The following COL19A1 variants were observed in gnomAD, a reference collection of about 807,000 sequenced individuals.
COL19A1 encodes the protein collagen type XIX alpha 1 chain.
Under a neutral mutation model 190.2 loss-of-function variants are expected in COL19A1, and 159 were observed. The ratio of observed to expected loss-of-function variants is 0.84; its 90% CI spans 0.73 to 0.95. The LOEUF (loss-of-function observed/expected upper bound fraction) is 0.95, where lower values mean the gene tolerates loss of function less well. Among genes scored for constraint, COL19A1 ranks in the 40% least tolerant of loss-of-function variants. COL19A1 has a pLI of 0.00. For synonymous variants in COL19A1, 509 were observed against 458.9 expected, an observed-to-expected ratio of 1.11 and a Z score of -1.39; for missense variants, 1,418 against 1,431.9, an observed-to-expected ratio of 0.99 and a Z score of 0.16.
At chr6:69,980,479 T>G (rs1268317003) in intron 11 of COL19A1, among the ~76,000 whole-genome samples, 1 of 152,090 alleles carries the variant, frequency 6.6e-6, no homozygotes, top group Non-Finnish European at 1.5e-5. Flanking sequence ...TAATCCAGGA[T>G]TAAGTGTATA....
chr6:70,179,707 T>C (rs777154961), intron 42 of COL19A1, among the ~76,000 whole-genome samples: 16 of 152,048 alleles, frequency 1.1e-4, no homozygotes, highest in Non-Finnish European at 2.2e-4. Flanking sequence ...ACAAGAGGGA[T>C]GTCCAATAAT....
At chr6:70,133,128 T>C (rs1202005903) in intron 18 of COL19A1, among the ~76,000 whole-genome samples, 1 of 152,208 alleles carries the variant, frequency 6.6e-6, no homozygotes, top group Admixed American at 6.5e-5. Flanking sequence ...TCTCCCACCA[T>C]AATTTTGACA....
chr6:69,977,114 G>A (rs374245938), intron 11 of COL19A1, among the ~76,000 whole-genome samples: 38 of 152,240 alleles, frequency 2.5e-4, no homozygotes, highest in South Asian at 6.2e-4. Flanking sequence ...ACATGCGCAC[G>A]TATGTTTATT....
At chr6:70,122,936 T>C (rs1214913341) in intron 17 of COL19A1, among the ~76,000 whole-genome samples, 2 of 152,198 alleles carry the variant, frequency 1.3e-5, no homozygotes, top group African/African-American at 4.8e-5. Flanking sequence ...AATTTGATAG[T>C]GATGCTATTT....
chr6:69,888,223 CA>C (rs1388487756), intron 2 of COL19A1, among the ~76,000 whole-genome samples: 2 of 151,878 alleles, frequency 1.3e-5, no homozygotes, highest in Non-Finnish European at 2.9e-5. Flanking sequence ...AAACACGTAT[CA>C]AAATGAAACA....
intron 15 of COL19A1, among the ~76,000 whole-genome samples, chr6:70,091,436 A>T (rs947143582): frequency 1.2e-4 from 18 of 152,296 alleles, no homozygotes; most frequent in Admixed American, 9.2e-4. Flanking sequence ...AAAGCATCTA[A>T]CCCACAATAG....
intron 11 of COL19A1, among the ~76,000 whole-genome samples, chr6:70,017,659 G>C (rs572083346): frequency 1.3e-5 from 2 of 152,242 alleles, no homozygotes; most frequent in East Asian, 3.9e-4. Flanking sequence ...CTGTGGAGCA[G>C]CAACACTTAG....
At chr6:70,171,536 A>C (rs777118854) in intron 40 of COL19A1, among the ~76,000 whole-genome samples, 95 of 152,332 alleles carry the variant, frequency 6.2e-4, no homozygotes, top group Middle Eastern at 3.4e-3. Context: ...TAAAGATGAT[A>C]AACACTGCTT....
chr6:70,146,832 T>A lies in COL19A1; in HGVS notation c.1836T>A (p.Gly612=). 4 of 1,598,426 alleles carry A rather than the reference T, an allele frequency of 2.5e-6. No homozygotes were observed. Among genetic ancestry groups the A allele is most frequent in the Non-Finnish European group, 3.4e-6 (4 of 1,173,740 alleles). The part of the protein sequence containing the change: ...RGPKGERGLP[G]VHGSPGDIGP... ...CACAGGGTGAAAGAGGACTTCCAGGTGTTCACGGTTCCCCAGGGGACATAG... is the reference window on the plus strand; with the variant it reads ...CACAGGGTGAAAGAGGACTTCCAGGAGTTCACGGTTCCCCAGGGGACATAG... The change falls in exon 27 of 51, where the codon GGT becomes GGA. Residue 612 remains glycine, a synonymous_variant. Transcript: ENST00000620364.
chr6:70,103,848 C>T (rs1214267424), intron 16 of COL19A1, among the ~76,000 whole-genome samples: 1 of 152,172 alleles, frequency 6.6e-6, no homozygotes, highest in African/African-American at 2.4e-5. Flanking sequence ...CCTCTATTTT[C>T]TCACCATTGC....
In COL19A1 at chr6:70,146,718, T is replaced by C. The variant is rs143277262; in HGVS notation, c.1815+15T>C. On this transcript the variant is annotated intron_variant, in intron 26 of 50. Coordinates refer to ENST00000620364, the MANE Select transcript of COL19A1 (RefSeq NM_001858.6). The stretch of plus-strand genomic sequence containing the variant: ...GTGGGCCAAAGGTATACAAATATTA[T>C]AGTTAATTTTTAAGGAATGAATAAT... The C allele has an allele frequency of 3.7e-6, 6 of 1,603,508 alleles. No homozygotes were observed. In the African/African-American group the frequency reaches 4.0e-5, roughly 11 times the overall value.
intron 11 of COL19A1, among the ~76,000 whole-genome samples, chr6:69,972,785 C>T (rs1775505826): frequency 6.6e-6 from 1 of 152,086 alleles, no homozygotes; most frequent in Admixed American, 6.5e-5. Context: ...AATCACATTG[C>T]CTTTTGGCAG....
chr6:70,089,480 A>G (rs774197944), intron 15 of COL19A1, among the ~76,000 whole-genome samples: 1 of 152,216 alleles, frequency 6.6e-6, no homozygotes, highest in African/African-American at 2.4e-5. Context: ...AATAAACTAC[A>G]TTTGCATATT....
intron 15 of COL19A1, among the ~76,000 whole-genome samples, chr6:70,084,001 A>G (rs1339822601): frequency 6.6e-6 from 1 of 152,184 alleles, no homozygotes; most frequent in Non-Finnish European, 1.5e-5. Flanking sequence ...CGGAAAAAAG[A>G]TAAAATGAAG....
At chr6:69,976,646 G>C (rs1214111624) in intron 11 of COL19A1, among the ~76,000 whole-genome samples, 1 of 152,116 alleles carries the variant, frequency 6.6e-6, no homozygotes, top group Non-Finnish European at 1.5e-5. Context: ...CACGGAAGAG[G>C]CAAATGAAAC....
intron 1 of COL19A1, among the ~76,000 whole-genome samples, chr6:69,868,830 G>C (rs1767642247): frequency 6.6e-6 from 1 of 152,118 alleles, no homozygotes; most frequent in African/African-American, 2.4e-5. Context: ...TGCAATTTTA[G>C]TTTATTTTCT....
At chr6:69,936,209 A>C (rs1341045987) in intron 7 of COL19A1, among the ~76,000 whole-genome samples, 2 of 152,148 alleles carry the variant, frequency 1.3e-5, no homozygotes, top group East Asian at 3.8e-4. Flanking sequence ...AACCCACTGG[A>C]TAAGTATAAA....
In COL19A1 at chr6:70,207,208, A is replaced by C; in HGVS notation, c.3363A>C (p.Gly1121=). The C allele has an allele frequency of 6.2e-7, 1 of 1,613,944 alleles. No individual in the cohort carries two copies. Among genetic ancestry groups the C allele is most frequent in the East Asian group, 2.2e-5 (1 of 44,874 alleles). ...PGPQGPPGPS[G]RCNPEDCLYP... is the part of the protein sequence containing the mutation. ...CACAGGGCCCCCCAGGACCCAGTGG[A>C]AGATGTAACCCAGAAGATTGCCTCT... The change falls in exon 51 of 51, where the codon GGA becomes GGC. Residue 1121 remains glycine (G), a synonymous_variant. Transcript: ENST00000620364.
intron 15 of COL19A1, chr6:70,098,284 C>A (rs920712804): frequency 1.5e-5 from 5 of 327,156 alleles, no homozygotes; most frequent in East Asian, 6.9e-5. Context: ...AATACTCCCC[C>A]AAAGTATCCT....
Sources: gnomAD v4.1 joint callset for allele counts (sites outside exome capture counted in the v4.1 genomes callset) on GRCh38, gnomAD v4.1.1 for gene constraint, MANE v1.5 for transcripts, NCBI Gene and HGNC (gene_info 2026-07-23, HGNC 2026-07-21) for gene names.